Variants in MTFR1 observed in about 807,000 individuals in gnomAD.
MTFR1 encodes chondrocyte protein with a poly-proline region.
Under a neutral mutation model 38.8 loss-of-function variants are expected in MTFR1, and 28 were observed. The ratio of observed to expected loss-of-function variants is 0.72; its 90% CI spans 0.53 to 0.99. The LOEUF is 0.99. Among genes scored for constraint, MTFR1 ranks in the 50% least tolerant of loss-of-function variants. The probability of loss-of-function intolerance (pLI) is 0.00; values close to 1 mark genes in which losing one functional copy is unlikely to be tolerated. For missense variants in MTFR1, 358 were observed against 395.5 expected (o/e 0.91, Z 0.81); for synonymous variants, 145 against 137.0 (o/e 1.06, Z -0.41).
At position 65,694,156 on chromosome 8, in the gene MTFR1, C is replaced by T. The variant is rs529736030; in HGVS notation, c.281+397C>T. On this transcript the variant is annotated intron_variant, in intron 4 of 7. Transcript: ENST00000262146. Reference sequence around the variant, plus strand: ...GTGGCGTGATCTCGGCTCATTGCAACCTCCACCTCACAGGTTCAAGCGATT... The same window carrying T: ...GTGGCGTGATCTCGGCTCATTGCAATCTCCACCTCACAGGTTCAAGCGATT... Among the ~76,000 whole-genome samples the T allele has an allele frequency of 6.7e-4, 101 of 151,074 alleles. 1 individual carries two copies. Among genetic ancestry groups the T allele is most frequent in the Non-Finnish European group, 1.2e-3 (82 of 67,808 alleles).
chr8:65,706,897 A>G (rs998751901), intron 5 of MTFR1, 113 bp from the exon 6 acceptor site: 2 of 1,191,934 alleles, frequency 1.7e-6, no homozygotes, highest in African/African-American at 3.1e-5. Context: ...TGAAACGTTA[A>G]GAATATTGTT....
intron 3 of MTFR1, among the ~76,000 whole-genome samples, chr8:65,756,844 T>A (rs868591599): frequency 5.9e-5 from 9 of 152,192 alleles, no homozygotes; most frequent in African/African-American, 2.2e-4. Flanking sequence ...CATTCCAAGT[T>A]TTACACTGGG....
chr8:65,759,701 T>C (rs1158275082), intron 3 of MTFR1, among the ~76,000 whole-genome samples: 3 of 152,132 alleles, frequency 2.0e-5, no homozygotes, highest in Admixed American at 6.5e-5. Flanking sequence ...CATTCACCCC[T>C]TTCTTTTAAA....
At position 65,719,663 on chromosome 8, in the gene MTFR1, T is replaced by C. The variant is rs115218934; in HGVS notation, c.*48+182T>C. On this transcript the variant is annotated intron_variant, in intron 3 of 3. Coordinates refer to the MTFR1 transcript ENST00000521247. The stretch of plus-strand genomic sequence containing the variant: ...GGTGACAGAGTCTGTAATGTACATA[T>C]CCACTTTGAAGAACTGATTTCTTAA... 8.8e-4 allele frequency: 518 copies of C among 587,840 alleles called. 2 individuals carry two copies. The African/African-American group carries it at 9.0e-3, about 10-fold the overall frequency. The allele number at this position is 587,840 out of a possible 1,614,324, so 36.4% of individuals were successfully genotyped here.
At chr8:65,747,057 G>C (rs2128906381) in intron 3 of MTFR1, among the ~76,000 whole-genome samples, 1 of 152,212 alleles carries the variant, frequency 6.6e-6, no homozygotes, top group Middle Eastern at 3.4e-3. Context: ...ATATAAAGAG[G>C]AAGTAAATAA....
At chr8:65,725,256 G>A (rs1177822766) in intron 3 of MTFR1, 3 of 165,730 alleles carry the variant, frequency 1.8e-5, no homozygotes, top group Non-Finnish European at 3.9e-5. Flanking sequence ...GTTCCTTGCT[G>A]GGATTCTTTT....
chr8:65,665,716 T>C, intron 1 of MTFR1, among the ~76,000 whole-genome samples: 1 of 152,224 alleles, frequency 6.6e-6, no homozygotes, highest in Non-Finnish European at 1.5e-5. Context: ...TCTTAACTCC[T>C]GAGCTCAAGG....
At chr8:65,660,482 A>G (rs1809381288) in intron 1 of MTFR1, among the ~76,000 whole-genome samples, 1 of 152,156 alleles carries the variant, frequency 6.6e-6, no homozygotes, top group Admixed American at 6.6e-5. Context: ...AAATCCCTTG[A>G]GGGCCTGAAT....
At position 65,662,482 on chromosome 8, in the gene MTFR1, C is replaced by G. The variant is rs953701125; in HGVS notation, c.-80-7391C>G. On this transcript the variant is annotated intron_variant, in intron 1 of 7. Transcript: ENST00000262146. Reference sequence around the variant, plus strand: ...CCTCCCAGCTGCCTGCCTTGGCCCCCCAAAGTGCGGAGATTGCAGCCTCTG... The same window carrying G: ...CCTCCCAGCTGCCTGCCTTGGCCCCGCAAAGTGCGGAGATTGCAGCCTCTG... Among the ~76,000 whole-genome samples, 107 of 150,232 alleles carry G rather than the reference C, an allele frequency of 7.1e-4. 1 individual carries two copies. The highest frequency in any genetic ancestry group is 2.3e-3 in the African/African-American group (96 of 41,090).
intron 1 of MTFR1, among the ~76,000 whole-genome samples, chr8:65,669,556 GTT>G (rs969791735): frequency 6.9e-6 from 1 of 144,448 alleles, no homozygotes. Flanking sequence ...ACACATGAAG[GTT>G]TTTTTTTTTT....
chr8:65,760,653 CTG>C (rs2128914015), intron 3 of MTFR1, among the ~76,000 whole-genome samples: 1 of 152,286 alleles, frequency 6.6e-6, no homozygotes, highest in African/African-American at 2.4e-5. Flanking sequence ...CACTTTAAGA[CTG>C]TTGGAAATTT....
At chr8:65,713,460 ACACACACACACACAC>A (rs1806012500), downstream of MTFR1, among the ~76,000 whole-genome samples, 4 of 150,602 alleles carry the variant, frequency 2.7e-5, no homozygotes, top group Admixed American at 6.6e-5. Flanking sequence ...ACACACACAC[ACACACACACACACAC>A]ACACACACAA....
At chr8:65,751,816 T>C (rs1422325428) in intron 3 of MTFR1, among the ~76,000 whole-genome samples, 1 of 152,206 alleles carries the variant, frequency 6.6e-6, no homozygotes, top group Non-Finnish European at 1.5e-5. Flanking sequence ...AAAAATTAAA[T>C]ATATAGAAAC....
At chr8:65,766,476 A>G (rs1808790641) in intron 3 of MTFR1, among the ~76,000 whole-genome samples, 1 of 152,228 alleles carries the variant, frequency 6.6e-6, no homozygotes, top group Non-Finnish European at 1.5e-5. Flanking sequence ...TGAAAGCAGG[A>G]ACTTGAGAAG....
At chr8:65,738,184 AAG>A (rs1456096852) in intron 3 of MTFR1, among the ~76,000 whole-genome samples, 1 of 152,238 alleles carries the variant, frequency 6.6e-6, no homozygotes, top group Non-Finnish European at 1.5e-5. Flanking sequence ...CTTAATTTAA[AAG>A]ACTTTATTGC....
chr8:65,729,136 GACA>G (rs1304846590), intron 3 of MTFR1, among the ~76,000 whole-genome samples: 2 of 151,780 alleles, frequency 1.3e-5, no homozygotes, highest in Non-Finnish European at 2.9e-5. Context: ...GTTAAGAGCT[GACA>G]ACAAAGAAAT....
intron 2 of MTFR1, among the ~76,000 whole-genome samples, chr8:65,678,895 A>C (rs962705941): frequency 1.3e-5 from 2 of 151,278 alleles, no homozygotes; most frequent in Non-Finnish European, 3.0e-5. Flanking sequence ...AAAAAATTTA[A>C]AAAAAAAAGC....
intron 3 of MTFR1, among the ~76,000 whole-genome samples, chr8:65,686,352 A>T (rs1585777678): frequency 6.6e-6 from 1 of 152,112 alleles, no homozygotes; most frequent in African/African-American, 2.4e-5. Flanking sequence ...CGGGTGGATC[A>T]CCTGAGGTCA....
At chr8:65,694,930 G>C (rs1236190276) in intron 4 of MTFR1, among the ~76,000 whole-genome samples, 4 of 152,182 alleles carry the variant, frequency 2.6e-5, no homozygotes, top group Non-Finnish European at 4.4e-5. Flanking sequence ...AGACTAGAGA[G>C]CAGAAAAGAA....
Sources: gnomAD v4.1 joint callset for allele counts (sites outside exome capture counted in the v4.1 genomes callset) on GRCh38, gnomAD v4.1.1 for gene constraint, MANE v1.5 for transcripts, NCBI Gene and HGNC (gene_info 2026-07-23, HGNC 2026-07-21) for gene names.